BIN1: variants seen among roughly 807,000 people sequenced by gnomAD.
BIN1 encodes the protein myc box-dependent-interacting protein 1.
A neutral mutation model predicts 82.0 loss-of-function variants in BIN1; 53 were observed. That is an observed-to-expected ratio of 0.65 (90% confidence interval 0.52 to 0.81). BIN1 has a LOEUF of 0.81. BIN1 is among the 40% of genes least tolerant of loss of function. The pLI is 0.00. For synonymous variants in BIN1, 302 were observed against 328.0 expected, an observed-to-expected ratio of 0.92 and a Z score of 0.86; for missense variants, 642 against 784.4, an observed-to-expected ratio of 0.82 and a Z score of 2.17.
intron 2 of BIN1, 115 bp from the exon 3 acceptor site, chr2:127,070,931 A>G: frequency 9.5e-7 from 1 of 1,056,364 alleles, no homozygotes. Context: ...GACAGCAGCC[A>G]CTGATCAGCT....
At chr2:127,086,469 GAA>G (rs1678170450) in intron 1 of BIN1, among the ~76,000 whole-genome samples, 2 of 151,932 alleles carry the variant, frequency 1.3e-5, no homozygotes, top group Admixed American at 6.6e-5. Context: ...TTCCTCCCAG[GAA>G]GGCCTGGCCT....
chr2:127,101,004 G>GCGGGGGGGGA (rs1553487459), intron 1 of BIN1, among the ~76,000 whole-genome samples: 3 of 137,552 alleles, frequency 2.2e-5, no homozygotes, highest in Non-Finnish European at 4.7e-5. Flanking sequence ...ATGTGCGGGG[G>GCGGGGGGGGA]GTGGGGATAG....
chr2:127,075,852 C>T (rs116484987), intron 2 of BIN1, among the ~76,000 whole-genome samples: 1,804 of 142,872 alleles, frequency 0.013, 24 homozygotes, highest in Middle Eastern at 0.027. Flanking sequence ...CCAGAATGCT[C>T]CCAGTTGTTC....
In BIN1 at chr2:127,076,613, C is replaced by T. The variant is rs2105143217; in HGVS notation, c.165+13G>A. 2 of 1,614,118 alleles carry T rather than the reference C, an allele frequency of 1.2e-6. No individual in the cohort carries two copies. Among genetic ancestry groups the T allele is most frequent in the African/African-American group, 1.3e-5 (1 of 75,048 alleles). ...TCACAAACTCCCTAAGGCCAAGGGC[C>T]ACCCACACTCACCAGCTGCTTGTTG... On this transcript the variant is annotated intron_variant, in intron 2 of 18. Coordinates refer to ENST00000316724, the MANE Select transcript of BIN1 (RefSeq NM_139343.3).
chr2:127,104,971 G>A (rs892026303), intron 1 of BIN1, among the ~76,000 whole-genome samples: 2 of 152,332 alleles, frequency 1.3e-5, no homozygotes, highest in Admixed American at 6.5e-5. Flanking sequence ...CAGGAAGCCC[G>A]GCATGGGCAA....
Position 127,107,077 on chromosome 2 carries a change from C to G in BIN1, c.-134G>C. On this transcript the variant is annotated 5_prime_UTR_variant, in exon 1 of 19. Coordinates refer to ENST00000316724, the MANE Select transcript of BIN1 (RefSeq NM_139343.3). The surrounding 1 kb of genome is among the most constrained non-coding windows in gnomAD (Gnocchi z 5.9). ...CCACGCCGCGCACCCGACAGCGGAGCCAACTGACGGAGGCGGAGCGTGCGC... is the reference window on the plus strand; with the variant it reads ...CCACGCCGCGCACCCGACAGCGGAGGCAACTGACGGAGGCGGAGCGTGCGC... The G allele has an allele frequency of 1.1e-6, 1 of 945,000 alleles. No individual in the cohort carries two copies. The highest frequency in any genetic ancestry group is 1.4e-6 in the Non-Finnish European group (1 of 704,606). 58.5% of individuals were successfully genotyped at this position (945,000 alleles called of 1,614,324 possible). A position where few individuals can be genotyped will look rare whatever the true frequency, so the allele number is the denominator to read the frequency against.
chr2:127,074,456 C>T (rs941288269), intron 2 of BIN1, among the ~76,000 whole-genome samples: 2 of 152,230 alleles, frequency 1.3e-5, no homozygotes, highest in Non-Finnish European at 2.9e-5. Context: ...GACTGCTCCA[C>T]ACCCACAGCC....
chr2:127,055,888 G>A (rs1347325621), intron 12 of BIN1: 2 of 151,518 alleles, frequency 1.3e-5, no homozygotes, highest in Admixed American at 1.3e-4. Flanking sequence ...CAAAGGTCAT[G>A]GCTCCCCGAC....
At chr2:127,080,254 T>A (rs901504167) in intron 1 of BIN1, among the ~76,000 whole-genome samples, 2 of 152,172 alleles carry the variant, frequency 1.3e-5, no homozygotes, top group African/African-American at 4.8e-5. Flanking sequence ...GACACAGATC[T>A]CCCACCCCAT....
chr2:127,052,513 C>G (rs1294986573), intron 14 of BIN1, 151 bp from the exon 15 acceptor site: 1 of 670,714 alleles, frequency 1.5e-6, no homozygotes, highest in African/African-American at 1.8e-5. Flanking sequence ...GCCAGCCACC[C>G]GCCTCCCACA....
rs947287965 is a variant in BIN1, at chr2:127,067,663, CAGG to C, written c.612+497_612+499del. 5.3e-5 allele frequency among the ~76,000 whole-genome samples: 8 copies of C among 152,230 alleles called. No individual in the cohort carries two copies. The highest frequency in any genetic ancestry group is 1.0e-4 in the Non-Finnish European group (7 of 68,038). On this transcript the variant is annotated intron_variant, in intron 7 of 18. Coordinates refer to ENST00000316724, the MANE Select transcript of BIN1 (RefSeq NM_139343.3). The surrounding 1 kb of genome is among the most constrained non-coding windows in gnomAD (Gnocchi z 4.7). ...AGGAAAATGACGCAGGGGCTTCAGT[CAGG>C]AGAGCCCCAACCCTGCCCCTAACCG... is the stretch of plus-strand genomic sequence containing the variant.
chr2:127,105,703 A>G (rs1377129377), intron 1 of BIN1, among the ~76,000 whole-genome samples: 1 of 151,964 alleles, frequency 6.6e-6, no homozygotes, highest in Non-Finnish European at 1.5e-5. Flanking sequence ...ATCCTTAGGG[A>G]GCCCGCGGGT....
At position 127,069,009 on chromosome 2, in the gene BIN1, C is replaced by T. The variant is rs1219115067; in HGVS notation, c.434G>A (p.Arg145His). The T allele has an allele frequency of 3.7e-6, 6 of 1,613,996 alleles. No individual in the cohort carries two copies. Among genetic ancestry groups the T allele is most frequent in the Non-Finnish European group, 4.2e-6 (5 of 1,180,018 alleles). Residue 145 changes from arginine (R) to histidine (H), a missense_variant, in exon 6 of 19, where the codon CGC becomes CAC. Coordinates refer to ENST00000316724, the MANE Select transcript of BIN1 (RefSeq NM_139343.3). Reference protein sequence around the residue: ...DIKSRIAKRGRKLVDYDSARH... With the variant: ...DIKSRIAKRGHKLVDYDSARH... ...GGCACTGTCGTAGTCCACCAGCTTG[C>T]GCCCCCGCTTGGCAATGCGTGACTG...
intron 2 of BIN1, among the ~76,000 whole-genome samples, chr2:127,075,589 C>A (rs1294560366): frequency 6.6e-6 from 1 of 152,258 alleles, no homozygotes; most frequent in Non-Finnish European, 1.5e-5. Flanking sequence ...CCAGGGAAGC[C>A]TGTCAGGCTG....
intron 1 of BIN1, among the ~76,000 whole-genome samples, chr2:127,085,458 G>C (rs189493742): frequency 6.6e-6 from 1 of 152,316 alleles, no homozygotes; most frequent in African/African-American, 2.4e-5. Context: ...CCTCCAGTGT[G>C]AGATGACGCC....
intron 1 of BIN1, among the ~76,000 whole-genome samples, chr2:127,084,586 A>G (rs11693422): frequency 0.2 from 29,746 of 152,200 alleles, 3,386 homozygotes; most frequent in Non-Finnish European, 0.26. Flanking sequence ...TAGGCATTTC[A>G]GCGTTCCCTC....
chr2:127,073,716 G>C (rs541893954), intron 2 of BIN1, among the ~76,000 whole-genome samples: 1 of 152,316 alleles, frequency 6.6e-6, no homozygotes, highest in South Asian at 2.1e-4. Flanking sequence ...GTGGGCCATG[G>C]GGACAAGAAG....
chr2:127,087,088 G>GT (rs1678270625), intron 1 of BIN1, among the ~76,000 whole-genome samples: 2 of 152,184 alleles, frequency 1.3e-5, no homozygotes, highest in African/African-American at 2.4e-5. Context: ...GTGGTGTTGG[G>GT]TTTTCTCTTT....
chr2:127,061,990 A>T, intron 10 of BIN1, 125 bp downstream of exon 10: 1 of 1,053,250 alleles, frequency 9.5e-7, no homozygotes, highest in Non-Finnish European at 1.4e-6. Context: ...CCAAGACAGG[A>T]AGGTCCCTAG....
Sources: allele counts gnomAD v4.1 joint callset (sites outside exome capture counted in the v4.1 genomes callset), GRCh38; gene constraint gnomAD v4.1.1; non-coding constraint Gnocchi (gnomAD v3.1); transcripts MANE v1.5; gene names NCBI Gene and HGNC (gene_info 2026-07-23, HGNC 2026-07-21).